COG5: variants seen among roughly 807,000 people sequenced by gnomAD.
COG5 encodes the protein component of oligomeric golgi complex 5, also known as conserved oligomeric Golgi complex subunit 5.
Under a neutral mutation model 110.4 loss-of-function variants are expected in COG5, and 86 were observed. The ratio of observed to expected loss-of-function variants is 0.78; its 90% CI spans 0.65 to 0.93. COG5 has a LOEUF of 0.93. COG5 is among the 40% of genes least tolerant of loss of function. The pLI is 0.00. For missense variants in COG5, 1,077 were observed against 987.0 expected, an observed-to-expected ratio of 1.09 and a Z score of -1.22; for synonymous variants, 360 against 334.6, an observed-to-expected ratio of 1.08 and a Z score of -0.83.
chr7:107,490,023 A>G (rs1797889802), intron 6 of COG5, among the ~76,000 whole-genome samples: 1 of 152,186 alleles, frequency 6.6e-6, no homozygotes. Context: ...CTGAAATTTT[A>G]TTTAAAAAAC....
chr7:107,473,058 GAT>G (rs1796734339), intron 6 of COG5: 1 of 151,630 alleles, frequency 6.6e-6, no homozygotes, highest in Non-Finnish European at 1.5e-5. Context: ...GACAATGGGT[GAT>G]ATATACAAAA....
intron 6 of COG5, among the ~76,000 whole-genome samples, chr7:107,421,010 T>A (rs1212317069): frequency 1.3e-5 from 2 of 152,186 alleles, no homozygotes; most frequent in Non-Finnish European, 2.9e-5. Context: ...AGAATTAGTT[T>A]TCCTTTCCTA....
intron 6 of COG5, among the ~76,000 whole-genome samples, chr7:107,508,954 A>C (rs565423112): frequency 4.6e-5 from 7 of 152,164 alleles, no homozygotes; most frequent in African/African-American, 1.2e-4. Context: ...GAAAAAAACA[A>C]AGCAGAAACA....
chr7:107,446,001 C>A (rs1179457071), intron 6 of COG5, among the ~76,000 whole-genome samples: 1 of 152,110 alleles, frequency 6.6e-6, no homozygotes, highest in Non-Finnish European at 1.5e-5. Flanking sequence ...GAGAATAGTG[C>A]CCCTTGCAAA....
chr7:107,461,851 A>G (rs1437972115), intron 6 of COG5, among the ~76,000 whole-genome samples: 3 of 152,238 alleles, frequency 2.0e-5, no homozygotes, highest in Non-Finnish European at 4.4e-5. Context: ...AGACCTCTAC[A>G]CTGAAAATTA....
intron 7 of COG5, among the ~76,000 whole-genome samples, chr7:107,375,943 T>C (rs747348212): frequency 6.6e-5 from 10 of 152,018 alleles, no homozygotes; most frequent in Non-Finnish European, 1.2e-4. Context: ...TGAAACTCTA[T>C]TGGTTTATCT....
At chr7:107,270,003 G>T (rs888118447) in intron 14 of COG5, among the ~76,000 whole-genome samples, 2 of 152,172 alleles carry the variant, frequency 1.3e-5, no homozygotes, top group Non-Finnish European at 2.9e-5. Context: ...GGGGTTGAAG[G>T]TATCACTTTA....
chr7:107,475,483 C>A, intron 6 of COG5: 1 of 568,516 alleles, frequency 1.8e-6, no homozygotes, highest in Non-Finnish European at 3.1e-6. Flanking sequence ...TGTAAATTTT[C>A]AATGTGAATG....
At chr7:107,356,355 A>G (rs1812624260) in intron 10 of COG5, among the ~76,000 whole-genome samples, 1 of 152,198 alleles carries the variant, frequency 6.6e-6, no homozygotes, top group Non-Finnish European at 1.5e-5. Flanking sequence ...AACCAAAGAA[A>G]ACATATCTAT....
chr7:107,436,256 G>C (rs543199530), intron 6 of COG5, among the ~76,000 whole-genome samples: 1 of 152,168 alleles, frequency 6.6e-6, no homozygotes, highest in Non-Finnish European at 1.5e-5. Flanking sequence ...TACATACAGC[G>C]AATTATTCAG....
At chr7:107,310,395 T>C (rs1011755646) in intron 11 of COG5, among the ~76,000 whole-genome samples, 1 of 152,190 alleles carries the variant, frequency 6.6e-6, no homozygotes, top group African/African-American at 2.4e-5. Flanking sequence ...AGAGAAGCAA[T>C]GGCTTGCATT....
chr7:107,539,591 T>C (rs1801831541), intron 5 of COG5, among the ~76,000 whole-genome samples: 1 of 152,154 alleles, frequency 6.6e-6, no homozygotes, highest in Non-Finnish European at 1.5e-5. Context: ...GTTTCTTTTT[T>C]GGGTAATGAA....
intron 18 of COG5, among the ~76,000 whole-genome samples, chr7:107,234,632 G>C (rs889899777): frequency 6.6e-6 from 1 of 152,124 alleles, no homozygotes; most frequent in Non-Finnish European, 1.5e-5. Flanking sequence ...CTGCCTCCAG[G>C]AAAGTGACTC....
chr7:107,353,868 AT>A (rs58372032), intron 10 of COG5, among the ~76,000 whole-genome samples: 1 of 151,712 alleles, frequency 6.6e-6, no homozygotes, highest in Non-Finnish European at 1.5e-5. Context: ...ATCATGTGGG[AT>A]TTTTTTTCCC....
intron 7 of COG5, among the ~76,000 whole-genome samples, chr7:107,382,730 C>T (rs971091447): frequency 6.6e-6 from 1 of 152,162 alleles, no homozygotes; most frequent in African/African-American, 2.4e-5. Context: ...TGAGCCACCG[C>T]ACCCAGCCTA....
intron 6 of COG5, among the ~76,000 whole-genome samples, chr7:107,431,471 C>A (rs1230825389): frequency 6.6e-6 from 1 of 152,080 alleles, no homozygotes; most frequent in Non-Finnish European, 1.5e-5. Context: ...ATTCTTTCAA[C>A]TTTTCTCTAA....
intron 6 of COG5, among the ~76,000 whole-genome samples, chr7:107,434,921 GATC>G (rs1794271461): frequency 6.6e-6 from 1 of 151,250 alleles, no homozygotes; most frequent in Admixed American, 6.6e-5. Context: ...AGTGAGCTGA[GATC>G]ATGCCACTGC....
At chr7:107,327,541 A>G (rs984565936) in intron 10 of COG5, among the ~76,000 whole-genome samples, 3 of 152,172 alleles carry the variant, frequency 2.0e-5, no homozygotes, top group African/African-American at 7.2e-5. Context: ...TGCTAACCAT[A>G]TATCTAATAA....
At chr7:107,246,841 C>T (rs1802094750) in intron 17 of COG5, among the ~76,000 whole-genome samples, 1 of 152,154 alleles carries the variant, frequency 6.6e-6, no homozygotes, top group African/African-American at 2.4e-5. Context: ...AGCAGAACTA[C>T]CATTTGACCC....
Sources: gnomAD v4.1 joint callset for allele counts (sites outside exome capture counted in the v4.1 genomes callset) on GRCh38, gnomAD v4.1.1 for gene constraint, MANE v1.5 for transcripts, NCBI Gene and HGNC (gene_info 2026-07-23, HGNC 2026-07-21) for gene names.